Variants in IL1R1 observed in about 807,000 individuals in gnomAD.
IL1R1 encodes interleukin 1 receptor type 1.
Under a neutral mutation model 50.2 loss-of-function variants are expected in IL1R1, and 22 were observed. The ratio of observed to expected loss-of-function variants is 0.44; its 90% CI spans 0.31 to 0.63. The LOEUF (loss-of-function observed/expected upper bound fraction) is 0.63, where lower values mean the gene tolerates loss of function less well. IL1R1 is among the 20% of genes least tolerant of loss of function. The pLI, the probability that IL1R1 is intolerant of heterozygous loss-of-function variation, is 0.07. For synonymous variants in IL1R1, 251 were observed against 236.7 expected (o/e 1.06, Z -0.55); for missense variants, 509 against 676.2 (o/e 0.75, Z 2.74).
chr2:102,081,776 T>C (rs1474927510), intron 1 of IL1R1, among the ~76,000 whole-genome samples: 1 of 152,228 alleles, frequency 6.6e-6, no homozygotes, highest in Non-Finnish European at 1.5e-5. Context: ...ATAGTGGATT[T>C]GGGCTTAATG....
intron 1 of IL1R1, among the ~76,000 whole-genome samples, chr2:102,147,209 G>C (rs1462346974): frequency 6.6e-6 from 1 of 152,186 alleles, no homozygotes; most frequent in East Asian, 1.9e-4. Context: ...GCAATTTATG[G>C]AACTGTCCAC....
intron 1 of IL1R1, among the ~76,000 whole-genome samples, chr2:102,124,150 A>G (rs1293232233): frequency 3.3e-5 from 5 of 152,108 alleles, no homozygotes; most frequent in Admixed American, 1.3e-4. Context: ...GACTGGGCAC[A>G]GTGGCTCATA....
chr2:102,159,511 C>T (rs1327616651), intron 3 of IL1R1, among the ~76,000 whole-genome samples: 1 of 152,184 alleles, frequency 6.6e-6, no homozygotes, highest in Non-Finnish European at 1.5e-5. Context: ...GCATACATGC[C>T]CACCCTTCTG....
chr2:102,164,814 A>G lies in IL1R1; in HGVS notation c.102A>G (p.Ser34=). ...GTGAAGAAAAAATAATTTTAGTGTC[A>G]TCTGCAAATGAAATTGATGTTCGTC... ...KEREEKIILV[S]SANEIDVRPC... The change falls in exon 4 of 12, where the codon TCA becomes TCG. Residue 34 remains serine (S), a synonymous_variant. Transcript: ENST00000410023. The G allele has an allele frequency of 6.2e-7, 1 of 1,614,018 alleles. No homozygotes were observed. The highest frequency in any genetic ancestry group is 8.5e-7 in the Non-Finnish European group (1 of 1,179,928).
At chr2:102,166,037 A>T in intron 5 of IL1R1, 76 bp from the exon 6 acceptor site, 3 of 1,266,668 alleles carry the variant, frequency 2.4e-6, no homozygotes, top group South Asian at 1.4e-5. Context: ...GGTGAAAAAA[A>T]TGGAGCTCCT....
intron 1 of IL1R1, among the ~76,000 whole-genome samples, chr2:102,090,667 C>G (rs1358490793): frequency 6.6e-6 from 1 of 152,134 alleles, no homozygotes; most frequent in Non-Finnish European, 1.5e-5. Flanking sequence ...TTATAGATTT[C>G]AATCCATTGT....
intron 1 of IL1R1, among the ~76,000 whole-genome samples, chr2:102,119,789 G>A (rs1238904928): frequency 1.3e-5 from 2 of 152,138 alleles, no homozygotes; most frequent in Non-Finnish European, 2.9e-5. Flanking sequence ...ATAGTTACCT[G>A]TTTTGTGTAT....
chr2:102,163,934 T>C (rs1684946039), intron 3 of IL1R1, among the ~76,000 whole-genome samples: 1 of 152,218 alleles, frequency 6.6e-6, no homozygotes, highest in Non-Finnish European at 1.5e-5. Context: ...AAGTTTATTC[T>C]TGGCCTAATT....
At chr2:102,166,621 C>T (rs936554539) in intron 6 of IL1R1, among the ~76,000 whole-genome samples, 33 of 152,100 alleles carry the variant, frequency 2.2e-4, no homozygotes, top group African/African-American at 8.0e-4. Flanking sequence ...GAGCCTGCAC[C>T]TGGGGAATCT....
intron 1 of IL1R1, among the ~76,000 whole-genome samples, chr2:102,071,794 A>G (rs930458910): frequency 1.1e-4 from 17 of 152,170 alleles, no homozygotes; most frequent in African/African-American, 4.1e-4. Flanking sequence ...TTAATGTGCC[A>G]AGAAGGAGGT....
rs769002419 is a variant in IL1R1, at chr2:102,165,023, A to G, written c.296+15A>G. 1 of 1,601,826 alleles carries G rather than the reference A, an allele frequency of 6.2e-7. No homozygotes were observed. Among genetic ancestry groups the G allele is most frequent in the Admixed American group, 1.7e-5 (1 of 59,548 alleles). On this transcript the variant is annotated intron_variant, in intron 4 of 11. Coordinates refer to ENST00000410023, the MANE Select transcript of IL1R1 (RefSeq NM_000877.4). ...TGCGTGGTAAGGTAAGAGAGGAATT[A>G]GTATGTTACAAACATGTTCTAGTTT...
chr2:102,154,017 G>C lies in IL1R1; in HGVS notation c.-7G>C, dbSNP rs912165745. 1 of 152,286 alleles carries C rather than the reference G, an allele frequency of 6.6e-6. No homozygotes were observed. Among genetic ancestry groups the C allele is most frequent in the Non-Finnish European group, 1.5e-5 (1 of 68,032 alleles). The allele number at this position is 152,286 out of a possible 1,614,324, so 9.4% of individuals were successfully genotyped here. ...TGGTAAAAGACAAGGCCTTCTCCAA[G>C]GTAACAGGGCTGAGTCACCCCAGGG... On this transcript the variant is annotated splice_region_variant and 5_prime_UTR_variant, in exon 2 of 12. Coordinates refer to ENST00000410023, the MANE Select transcript of IL1R1 (RefSeq NM_000877.4).
At chr2:102,080,155 A>G (rs1278373052) in intron 1 of IL1R1, among the ~76,000 whole-genome samples, 1 of 152,110 alleles carries the variant, frequency 6.6e-6, no homozygotes, top group African/African-American at 2.4e-5. Context: ...ATAAATATAA[A>G]TCTTTGTGAC....
Position 102,166,265 on chromosome 2 carries a change from A to G in IL1R1, c.639A>G (p.Ile213Met). ...LGKQYPITRVIEFITLEENKP... is the reference protein window; with the variant it reads ...LGKQYPITRVMEFITLEENKP... ...AGCAATATCCTATTACCCGGGTAAT[A>G]GAATTTATTACTCTAGGTGAGTCAT... The change falls in exon 6 of 12, where the codon ATA becomes ATG. Residue 213 changes from isoleucine to methionine, a missense_variant. Ile to Met is a conservative substitution (Grantham distance 10). Transcript: ENST00000410023. 1 of 1,613,258 alleles carries G rather than the reference A, an allele frequency of 6.2e-7. No homozygotes were observed. The highest frequency in any genetic ancestry group is 1.3e-5 in the African/African-American group (1 of 75,016).
chr2:102,176,825 C>CTGG lies in IL1R1; in HGVS notation c.*66_*67insTGG. On this transcript the variant is annotated 3_prime_UTR_variant, in exon 12 of 12. Transcript: ENST00000410023. ...TTATGGCGTTGCAGGCCAGGTTATGCCTCATGCTGACTTGCAGAGTTCATG... is the reference window on the plus strand; with the variant it reads ...TTATGGCGTTGCAGGCCAGGTTATGCTGGCTCATGCTGACTTGCAGAGTTCATG... The CTGG allele has an allele frequency of 6.9e-7, 1 of 1,443,450 alleles. No homozygotes were observed. Among genetic ancestry groups the CTGG allele is most frequent in the Non-Finnish European group, 9.6e-7 (1 of 1,043,566 alleles). The allele number at this position is 1,443,450 out of a possible 1,614,324, so 89.4% of individuals were successfully genotyped here.
chr2:102,132,765 T>C (rs1682108431), intron 1 of IL1R1, among the ~76,000 whole-genome samples: 1 of 152,074 alleles, frequency 6.6e-6, no homozygotes, highest in Non-Finnish European at 1.5e-5. Flanking sequence ...CTAGGTAATA[T>C]CACTATACTA....
intron 1 of IL1R1, among the ~76,000 whole-genome samples, 163 bp downstream of exon 1, chr2:102,143,183 C>CGT (rs1369761795): frequency 6.6e-6 from 1 of 152,104 alleles, no homozygotes; most frequent in African/African-American, 2.4e-5. Flanking sequence ...GTGAGGTCTG[C>CGT]GTGTGTGTGT....
chr2:102,152,395 C>T (rs1978330), intron 1 of IL1R1, among the ~76,000 whole-genome samples: 53,872 of 150,300 alleles, frequency 0.36, 11,529 homozygotes, highest in Admixed American at 0.45. Context: ...GTCCCAGCTA[C>T]TCAGGAGGCT....
chr2:102,096,131 C>T (rs1056429343), intron 1 of IL1R1, among the ~76,000 whole-genome samples: 3 of 152,130 alleles, frequency 2.0e-5, no homozygotes, highest in Admixed American at 6.5e-5. Flanking sequence ...TCCTATTCAG[C>T]GTGTAAATAT....
Sources: gnomAD v4.1 joint callset for allele counts (sites outside exome capture counted in the v4.1 genomes callset) on GRCh38, gnomAD v4.1.1 for gene constraint, MANE v1.5 for transcripts, NCBI Gene and HGNC (gene_info 2026-07-23, HGNC 2026-07-21) for gene names.